The following TTC8 variants were observed in gnomAD, a reference collection of about 807,000 sequenced individuals.
TTC8 encodes tetratricopeptide repeat protein 8.
Under a neutral mutation model 72.5 loss-of-function variants are expected in TTC8, and 47 were observed. The observed-to-expected ratio is 0.65, with a 90% CI of 0.51 to 0.83. The LOEUF is 0.83. Ranked by LOEUF, TTC8 falls within the 40% of genes least tolerant of loss-of-function variation. TTC8 has a pLI of 0.00. For synonymous variants in TTC8, 199 were observed against 221.4 expected (o/e 0.90, Z 0.90); for missense variants, 611 against 623.2 (o/e 0.98, Z 0.21).
intron 7 of TTC8, chr14:88,846,786 C>A: frequency 1.8e-6 from 1 of 560,048 alleles, no homozygotes; most frequent in Non-Finnish European, 2.9e-6. Flanking sequence ...TGCATATGAA[C>A]TTAAAAATTT....
chr14:88,843,180 A>G (rs748523251), intron 6 of TTC8, among the ~76,000 whole-genome samples: 22 of 152,138 alleles, frequency 1.4e-4, no homozygotes, highest in Non-Finnish European at 2.1e-4. Flanking sequence ...TGTACATGAG[A>G]GTTATCTGAG....
At chr14:88,858,754 ATTTTTTTTT>A (rs138871136) in intron 9 of TTC8, among the ~76,000 whole-genome samples, 2 of 86,906 alleles carry the variant, frequency 2.3e-5, no homozygotes, top group African/African-American at 5.5e-5. Flanking sequence ...TGCCTGGATA[ATTTTTTTTT>A]TTTTTTTTTT....
intron 14 of TTC8, 120 bp from the exon 15 acceptor site, chr14:88,877,174 A>G: frequency 3.9e-6 from 3 of 772,038 alleles, no homozygotes; most frequent in South Asian, 3.2e-5. Flanking sequence ...GTTAAAAAAA[A>G]AAGAAAAGAA....
At chr14:88,867,192 C>T (rs1490963021) in intron 10 of TTC8, among the ~76,000 whole-genome samples, 4 of 151,914 alleles carry the variant, frequency 2.6e-5, no homozygotes, top group African/African-American at 9.7e-5. Context: ...TAGGAATTTT[C>T]CTTAAGGATA....
At chr14:88,851,901 T>C (rs2094835631) in intron 7 of TTC8, among the ~76,000 whole-genome samples, 1 of 152,136 alleles carries the variant, frequency 6.6e-6, no homozygotes, top group Non-Finnish European at 1.5e-5. Flanking sequence ...GGAAAAATAA[T>C]TAATTATACA....
Position 88,863,079 on chromosome 14 carries a change from G to C in TTC8, c.909+1747G>C, listed in dbSNP as rs115653194. 3.1e-3 allele frequency among the ~76,000 whole-genome samples: 470 copies of C among 151,682 alleles called. 2 individuals are homozygous for C. Among genetic ancestry groups the C allele is most frequent in the African/African-American group, 0.011 (451 of 41,330 alleles). ...ACATTGAGTGTGTGAATGATGGGGA[G>C]GGGGTGGGTGGGCCGCCTGTCTTCC... On this transcript the variant is annotated intron_variant, in intron 10 of 14. Transcript: ENST00000380656.
chr14:88,861,090 C>A, intron 9 of TTC8, 132 bp from the exon 10 acceptor site: 1 of 702,328 alleles, frequency 1.4e-6, no homozygotes, highest in Non-Finnish European at 2.4e-6. Flanking sequence ...AGGTGTGAGC[C>A]ACCACACCCG....
chr14:88,866,889 A>T (rs2094912490), intron 10 of TTC8, among the ~76,000 whole-genome samples: 1 of 152,202 alleles, frequency 6.6e-6, no homozygotes, highest in African/African-American at 2.4e-5. Flanking sequence ...ATAGGATAGG[A>T]TAGAAGAACA....
At chr14:88,827,504 T>C (rs888213450) in intron 1 of TTC8, among the ~76,000 whole-genome samples, 2 of 152,180 alleles carry the variant, frequency 1.3e-5, no homozygotes, top group Non-Finnish European at 1.5e-5. Context: ...GCCAGAATAA[T>C]GAGTAGCATT....
chr14:88,830,956 G>A (rs553451028), intron 1 of TTC8: 1 of 455,650 alleles, frequency 2.2e-6, no homozygotes, highest in Admixed American at 2.4e-5. Flanking sequence ...TTCCATCCTT[G>A]CTGTCATCCC....
At chr14:88,832,560 C>T (rs2094731017) in intron 1 of TTC8, among the ~76,000 whole-genome samples, 1 of 152,096 alleles carries the variant, frequency 6.6e-6, no homozygotes, top group Non-Finnish European at 1.5e-5. Flanking sequence ...AAACAAATTA[C>T]TTAACATCTC....
At chr14:88,870,307 T>A (rs1005445062) in intron 11 of TTC8, 109 bp downstream of exon 11, 9 of 1,247,996 alleles carry the variant, frequency 7.2e-6, no homozygotes, top group Non-Finnish European at 1.1e-5. Flanking sequence ...CATGTCTTTA[T>A]GAAACTCAAA....
chr14:88,824,858 G>A, intron 1 of TTC8, 37 bp downstream of exon 1: 1 of 1,550,056 alleles, frequency 6.5e-7, no homozygotes, highest in Non-Finnish European at 8.9e-7. Flanking sequence ...GCATCCTGAC[G>A]CTGAGGCTGC....
At chr14:88,851,913 T>G (rs2094835672) in intron 7 of TTC8, among the ~76,000 whole-genome samples, 1 of 152,136 alleles carries the variant, frequency 6.6e-6, no homozygotes, top group Non-Finnish European at 1.5e-5. Flanking sequence ...AATTATACAG[T>G]AAGATTAAGG....
chr14:88,836,449 C>A (rs1003727512), intron 2 of TTC8, among the ~76,000 whole-genome samples: 1 of 150,010 alleles, frequency 6.7e-6, no homozygotes, highest in Non-Finnish European at 1.5e-5. Flanking sequence ...TGAGGCTGCA[C>A]CACTACATTC....
intron 10 of TTC8, among the ~76,000 whole-genome samples, chr14:88,865,035 G>T (rs1373477673): frequency 2.0e-5 from 3 of 152,028 alleles, no homozygotes; most frequent in African/African-American, 7.2e-5. Context: ...ATGTTGAACT[G>T]CTTATTGTTC....
chr14:88,839,524 G>A lies in TTC8; in HGVS notation c.217G>A (p.Gly73Arg). ...YIDEIDVDQE[G>R]IAEMMLDENA... ...AGATGAAATTGATGTAGATCAGGAA[G>A]GAATTGCAGAAATGATGCTGGATGA... Residue 73 changes from glycine (G) to arginine (R), a missense_variant, in exon 3 of 15, where the codon GGA becomes AGA. Physicochemically the swap from Gly to Arg is moderately radical, Grantham distance 125. Coordinates refer to ENST00000380656, the MANE Select transcript of TTC8 (RefSeq NM_144596.4). 1.2e-6 allele frequency: 2 copies of A among 1,613,332 alleles called. No homozygotes were observed. Among genetic ancestry groups the A allele is most frequent in the South Asian group, 2.2e-5 (2 of 91,070 alleles).
chr14:88,854,505 A>T (rs976860398), intron 8 of TTC8, among the ~76,000 whole-genome samples: 4 of 152,168 alleles, frequency 2.6e-5, no homozygotes, highest in Non-Finnish European at 5.9e-5. Flanking sequence ...ACAGTAAATA[A>T]TTACGGGTTA....
intron 13 of TTC8, among the ~76,000 whole-genome samples, chr14:88,873,415 C>CT (rs900393974): frequency 6.6e-6 from 1 of 152,176 alleles, no homozygotes; most frequent in African/African-American, 2.4e-5. Flanking sequence ...ACATCTCTTA[C>CT]TTTTTTTCTT....
Sources: allele counts gnomAD v4.1 joint callset (sites outside exome capture counted in the v4.1 genomes callset), GRCh38; gene constraint gnomAD v4.1.1; transcripts MANE v1.5; gene names NCBI Gene and HGNC (gene_info 2026-07-23, HGNC 2026-07-21).